The following FAM114A1 variants were observed in gnomAD, a reference collection of about 807,000 sequenced individuals.
The protein encoded by FAM114A1 is protein NOXP20.
Under a neutral mutation model 64.3 loss-of-function variants are expected in FAM114A1, and 62 were observed. The ratio of observed to expected loss-of-function variants is 0.96; its 90% CI spans 0.79 to 1.19. The LOEUF (loss-of-function observed/expected upper bound fraction) is 1.19. Ranked by LOEUF, FAM114A1 falls within the 50% of genes most tolerant of loss-of-function variation. The pLI, the probability that FAM114A1 is intolerant of heterozygous loss-of-function variation, is 0.00. For synonymous variants in FAM114A1, 254 were observed against 251.1 expected, an observed-to-expected ratio of 1.01 and a Z score of -0.11; for missense variants, 645 against 676.3, an observed-to-expected ratio of 0.95 and a Z score of 0.51.
chr4:38,888,386 G>A (rs1160995803), intron 3 of FAM114A1, among the ~76,000 whole-genome samples: 1 of 152,056 alleles, frequency 6.6e-6, no homozygotes, highest in Non-Finnish European at 1.5e-5. Context: ...ACCTAAGTGT[G>A]GTGGTGCATG....
chr4:38,935,716 A>G lies in FAM114A1; in HGVS notation c.1464-2A>G. The G allele has an allele frequency of 6.4e-7, 1 of 1,570,594 alleles. No homozygotes were observed. On this transcript the variant is annotated splice_acceptor_variant, in intron 12 of 14. Transcript: ENST00000358869. LOFTEE classifies it high-confidence loss of function. Reference sequence around the variant, plus strand: ...CAAGCTTTTTTTTTTTTCTTCTTTCAGATTAACTACTGCAATGTGCAATGA... The same window carrying G: ...CAAGCTTTTTTTTTTTTCTTCTTTCGGATTAACTACTGCAATGTGCAATGA...
At chr4:38,902,714 A>T (rs76475035) in intron 4 of FAM114A1, among the ~76,000 whole-genome samples, 2,358 of 152,170 alleles carry the variant, frequency 0.015, 68 homozygotes, top group African/African-American at 0.054. Context: ...GATTTTGGGG[A>T]TACTTGGGGT....
intron 2 of FAM114A1, among the ~76,000 whole-genome samples, chr4:38,870,627 C>T (rs1475375533): frequency 1.3e-5 from 2 of 152,176 alleles, no homozygotes; most frequent in Non-Finnish European, 1.5e-5. Context: ...AAGCAGCCTC[C>T]TTGTTTCTGT....
In FAM114A1 at chr4:38,914,623, G is replaced by A. The variant is rs112564834; in HGVS notation, c.793-298G>A. The A allele has an allele frequency of 3.3e-3, 852 of 257,972 alleles. 10 individuals carry two copies. The highest frequency in any genetic ancestry group is 0.017 in the African/African-American group (785 of 45,372). The allele number at this position is 257,972 out of a possible 1,614,324, so 16.0% of individuals were successfully genotyped here. A position where few individuals can be genotyped will look rare whatever the true frequency, so the allele number is the denominator to read the frequency against. On this transcript the variant is annotated intron_variant, in intron 7 of 14. Transcript: ENST00000358869. ...AAAGTTAATCACTCATGTGGGAAAC[G>A]CCTCAGTGGAAACCACTGTTAAAGC...
chr4:38,889,521 A>G (rs183451155), intron 3 of FAM114A1, among the ~76,000 whole-genome samples: 29 of 152,354 alleles, frequency 1.9e-4, no homozygotes, highest in Non-Finnish European at 1.0e-4. Flanking sequence ...TATGCTCGCA[A>G]CATTATATGA....
chr4:38,891,541 C>A (rs778127532), intron 3 of FAM114A1, among the ~76,000 whole-genome samples: 5 of 152,198 alleles, frequency 3.3e-5, no homozygotes, highest in Non-Finnish European at 7.3e-5. Flanking sequence ...AAGCCAACAT[C>A]AGCACTAATC....
intron 3 of FAM114A1, among the ~76,000 whole-genome samples, chr4:38,887,080 A>T (rs16994871): frequency 1.7e-3 from 253 of 152,322 alleles, no homozygotes; most frequent in African/African-American, 5.9e-3. Context: ...GTGCATTTCC[A>T]TAATAATGAG....
chr4:38,888,782 A>G (rs559562448), intron 3 of FAM114A1, among the ~76,000 whole-genome samples: 2 of 152,256 alleles, frequency 1.3e-5, no homozygotes, highest in African/African-American at 4.8e-5. Flanking sequence ...GAAGGGTGAG[A>G]AAAACGTCTT....
At position 38,931,440 on chromosome 4, in the gene FAM114A1, G is replaced by A. The variant is rs1720623460; in HGVS notation, c.1162-11G>A. 1 of 1,591,508 alleles carries A rather than the reference G, an allele frequency of 6.3e-7. No individual in the cohort carries two copies. The highest frequency in any genetic ancestry group is 8.5e-7 in the Non-Finnish European group (1 of 1,173,180). Reference sequence around the variant, plus strand: ...GCCATAAAAGGATTGTTTGGTTGGGGACCTCTGCAGGCCATGAAGAGGGCT... The same window carrying A: ...GCCATAAAAGGATTGTTTGGTTGGGAACCTCTGCAGGCCATGAAGAGGGCT... On this transcript the variant is annotated splice_polypyrimidine_tract_variant and intron_variant, in intron 10 of 14. Coordinates refer to ENST00000358869, the MANE Select transcript of FAM114A1 (RefSeq NM_138389.4).
intron 12 of FAM114A1, among the ~76,000 whole-genome samples, chr4:38,934,820 T>C (rs1316806284): frequency 6.6e-6 from 1 of 152,240 alleles, no homozygotes; most frequent in East Asian, 1.9e-4. Context: ...ATCTTTATTT[T>C]GAATCATATA....
At chr4:38,889,229 A>G (rs1716094778) in intron 3 of FAM114A1, among the ~76,000 whole-genome samples, 1 of 152,224 alleles carries the variant, frequency 6.6e-6, no homozygotes, top group Admixed American at 6.5e-5. Context: ...AAAGAATGAT[A>G]TTAATCACTG....
intron 1 of FAM114A1, chr4:38,868,162 G>A (rs749201812): frequency 4.4e-6 from 1 of 228,668 alleles, no homozygotes; most frequent in Non-Finnish European, 9.5e-6. Context: ...CCTCCGCGGA[G>A]CCTGCCTGGA....
intron 14 of FAM114A1, among the ~76,000 whole-genome samples, chr4:38,942,811 G>A (rs779292404): frequency 2.6e-5 from 4 of 152,130 alleles, no homozygotes; most frequent in Non-Finnish European, 5.9e-5. Flanking sequence ...TTCATACAGT[G>A]TTTTTGTGTT....
intron 2 of FAM114A1, among the ~76,000 whole-genome samples, chr4:38,870,603 C>T (rs1713953009): frequency 6.6e-6 from 1 of 152,288 alleles, no homozygotes; most frequent in East Asian, 1.9e-4. Flanking sequence ...CCTTCCTCTC[C>T]TTAGAGTTTC....
In FAM114A1 at chr4:38,922,773, C is replaced by T. The variant is rs965044570; in HGVS notation, c.949C>T (p.Gln317Ter). Reference sequence around the variant, plus strand: ...GCTGACCTATTTCTTTTTTCAGGTTCAGTCATTTTTAGCATCACTTGATGG... The same window carrying T: ...GCTGACCTATTTCTTTTTTCAGGTTTAGTCATTTTTAGCATCACTTGATGG... ...ILSNESESKVQSFLASLDGEK... is the reference protein window; with the variant it reads ...ILSNESESKV Residue 317 changes from glutamine to a stop codon, truncating the protein, a stop_gained, in exon 9 of 15, where the codon CAG (glutamine) becomes TAG (stop). Coordinates refer to ENST00000358869, the MANE Select transcript of FAM114A1 (RefSeq NM_138389.4). LOFTEE classifies it high-confidence loss of function. 2.7e-5 allele frequency: 43 copies of T among 1,607,782 alleles called. No individual in the cohort carries two copies. Among genetic ancestry groups the T allele is most frequent in the Non-Finnish European group, 3.5e-5 (41 of 1,178,306 alleles).
At chr4:38,927,671 A>C (rs1421979089) in intron 9 of FAM114A1, among the ~76,000 whole-genome samples, 1 of 151,896 alleles carries the variant, frequency 6.6e-6, no homozygotes, top group South Asian at 2.1e-4. Context: ...TTATTTACTT[A>C]TCTGTTTTGT....
intron 13 of FAM114A1, among the ~76,000 whole-genome samples, chr4:38,939,967 C>T (rs1372649966): frequency 6.6e-6 from 1 of 150,618 alleles, no homozygotes; most frequent in African/African-American, 2.5e-5. Context: ...CGGCTCACTG[C>T]AACCACTGCC....
At chr4:38,914,300 C>G (rs1335734748) in intron 7 of FAM114A1, among the ~76,000 whole-genome samples, 1 of 152,036 alleles carries the variant, frequency 6.6e-6, no homozygotes, top group Non-Finnish European at 1.5e-5. Context: ...TGCAGTGGCT[C>G]ACACCTGCAA....
intron 2 of FAM114A1, among the ~76,000 whole-genome samples, 192 bp from the exon 3 acceptor site, chr4:38,877,879 G>A (rs138127331): frequency 0.27 from 41,353 of 151,042 alleles, 6,030 homozygotes; most frequent in African/African-American, 0.31. Flanking sequence ...CAGGAGAATC[G>A]CTTGAACCTG....
Sources: allele counts gnomAD v4.1 joint callset (sites outside exome capture counted in the v4.1 genomes callset), GRCh38; gene constraint gnomAD v4.1.1; transcripts MANE v1.5; gene names NCBI Gene and HGNC (gene_info 2026-07-23, HGNC 2026-07-21).